ZNF570: variants seen among roughly 807,000 people sequenced by gnomAD.
ZNF570 encodes the protein zinc finger protein 570.
A neutral mutation model predicts 14.2 loss-of-function variants in ZNF570; 8 were observed. The ratio of observed to expected loss-of-function variants is 0.56; its 90% confidence interval spans 0.33 to 1.02. The LOEUF (loss-of-function observed/expected upper bound fraction) is 1.02. Among genes scored for constraint, ZNF570 ranks in the 50% least tolerant of loss-of-function variants. The pLI, the probability that ZNF570 is intolerant of heterozygous loss-of-function variation, is 0.03. For missense variants in ZNF570, 559 were observed against 624.9 expected, an observed-to-expected ratio of 0.89 and a Z score of 1.12; for synonymous variants, 202 against 207.6, an observed-to-expected ratio of 0.97 and a Z score of 0.23.
intron 2 of ZNF570, 122 bp downstream of exon 2, chr19:37,470,509 A>G (rs1383547675): frequency 9.8e-6 from 8 of 817,516 alleles, no homozygotes; most frequent in Non-Finnish European, 1.6e-5. Context: ...AACACTCTCC[A>G]TTGGATTCCC....
intron 3 of ZNF570, 146 bp downstream of exon 3, chr19:37,476,153 G>A (rs2042020760): frequency 7.4e-7 from 1 of 1,357,388 alleles, no homozygotes; most frequent in Non-Finnish European, 9.8e-7. Flanking sequence ...TGTGGATTTG[G>A]CAGTGAACAT....
chr19:37,488,372 A>G lies in ZNF570; in HGVS notation c.*3139A>G, dbSNP rs1394205708. 1 of 152,222 alleles carries G rather than the reference A, an allele frequency of 6.6e-6. No homozygotes were observed. The highest frequency in any genetic ancestry group is 1.5e-5 in the Non-Finnish European group (1 of 68,038). 9.4% of individuals were successfully genotyped at this position (152,222 alleles called of 1,614,324 possible). ...CAAATTAGTGTTATGTATTTTTGTCATGGCTAAATACTATATAAAAAGGAT... is the reference window on the plus strand; with the variant it reads ...CAAATTAGTGTTATGTATTTTTGTCGTGGCTAAATACTATATAAAAAGGAT... On this transcript the variant is annotated 3_prime_UTR_variant, in exon 5 of 5. Coordinates refer to ENST00000330173, the MANE Select transcript of ZNF570 (RefSeq NM_144694.5).
Position 37,483,915 on chromosome 19 carries a change from C to T in ZNF570, c.293C>T (p.Pro98Leu). 1 of 1,612,750 alleles carries T rather than the reference C, an allele frequency of 6.2e-7. No individual in the cohort carries two copies. Among genetic ancestry groups the T allele is most frequent in the Non-Finnish European group, 8.5e-7 (1 of 1,179,666 alleles). Reference protein sequence around the residue: ...EPICETEELTPKQDFYEEHQS... With the variant: ...EPICETEELTLKQDFYEEHQS... Reference sequence around the variant, plus strand: ...ATATGTGAGACTGAAGAATTAACCCCAAAGCAGGATTTTTATGAAGAACAT... The same window carrying T: ...ATATGTGAGACTGAAGAATTAACCCTAAAGCAGGATTTTTATGAAGAACAT... Residue 98 changes from proline to leucine, a missense_variant, in exon 5 of 5, where the codon CCA becomes CTA. Coordinates refer to ENST00000330173, the MANE Select transcript of ZNF570 (RefSeq NM_144694.5).
At chr19:37,477,026 T>C (rs2042033950) in intron 4 of ZNF570, among the ~76,000 whole-genome samples, 1 of 152,004 alleles carries the variant, frequency 6.6e-6, no homozygotes, top group South Asian at 2.1e-4. Context: ...TTTTGAGCTC[T>C]ACAGAGCATC....
chr19:37,468,032 C>A, upstream of ZNF570: 6 of 1,052,566 alleles, frequency 5.7e-6, no homozygotes, highest in Non-Finnish European at 5.7e-6. Context: ...CTAGCTGTGT[C>A]ATCTCAGACT....
intron 2 of ZNF570, among the ~76,000 whole-genome samples, chr19:37,471,443 C>T (rs1209290622): frequency 6.6e-6 from 1 of 152,176 alleles, no homozygotes; most frequent in Non-Finnish European, 1.5e-5. Context: ...TTCATTCATT[C>T]TAATTTTTAG....
chr19:37,469,173 G>A, upstream of ZNF570: 1 of 1,203,266 alleles, frequency 8.3e-7, no homozygotes, highest in Non-Finnish European at 1.0e-6. Context: ...CCGGGGAGAG[G>A]CCAGTGTGGG....
intron 4 of ZNF570, among the ~76,000 whole-genome samples, chr19:37,480,282 G>A (rs1021007925): frequency 2.0e-5 from 3 of 151,532 alleles, no homozygotes; most frequent in Non-Finnish European, 4.4e-5. Context: ...TCAAGAAATC[G>A]AGACCAGCCT....
chr19:37,471,355 T>G (rs1053753724), intron 2 of ZNF570, among the ~76,000 whole-genome samples: 8 of 152,176 alleles, frequency 5.3e-5, no homozygotes, highest in African/African-American at 1.9e-4. Flanking sequence ...GCACTTGCTA[T>G]TCTCTCTGCC....
chr19:37,474,517 T>G (rs2042002056), intron 2 of ZNF570, among the ~76,000 whole-genome samples: 2 of 152,182 alleles, frequency 1.3e-5, no homozygotes, highest in African/African-American at 4.8e-5. Flanking sequence ...TGGAGTGCAG[T>G]GGCCCAATCT....
At position 37,488,305 on chromosome 19, in the gene ZNF570, CTATTT is replaced by C. The variant is rs942048758; in HGVS notation, c.*3076_*3080del. 3.0e-4 allele frequency: 45 copies of C among 152,138 alleles called. No individual in the cohort carries two copies. The highest frequency in any genetic ancestry group is 1.0e-3 in the African/African-American group (43 of 41,426). 9.4% of individuals were successfully genotyped at this position (152,138 alleles called of 1,614,324 possible). A position where few individuals can be genotyped will look rare whatever the true frequency, so the allele number is the denominator to read the frequency against. ...AGTATTAATGAAATTGAACTACAGA[CTATTT>C]TATATAATACAGTATAACGTACAAT... is the stretch of plus-strand genomic sequence containing the variant. On this transcript the variant is annotated 3_prime_UTR_variant, in exon 5 of 5. Coordinates refer to ENST00000330173, the MANE Select transcript of ZNF570 (RefSeq NM_144694.5).
intron 2 of ZNF570, among the ~76,000 whole-genome samples, chr19:37,470,695 CTTT>C (rs760686313): frequency 3.2e-5 from 3 of 93,010 alleles, no homozygotes; most frequent in Admixed American, 1.3e-4. Flanking sequence ...CTTATTTATT[CTTT>C]TTTTTTTTTT....
chr19:37,476,244 T>TA, intron 3 of ZNF570, 95 bp from the exon 4 acceptor site: 1 of 1,453,764 alleles, frequency 6.9e-7, no homozygotes, highest in Non-Finnish European at 9.3e-7. Context: ...TTGCTTACTG[T>TA]AAACTCCCTT....
intron 4 of ZNF570, among the ~76,000 whole-genome samples, chr19:37,482,125 G>A (rs2042094308): frequency 6.6e-6 from 1 of 152,072 alleles, no homozygotes; most frequent in African/African-American, 2.4e-5. Flanking sequence ...CTCGTTTAAG[G>A]CTGAATAATC....
At chr19:37,479,649 G>A (rs2042064350) in intron 4 of ZNF570, among the ~76,000 whole-genome samples, 1 of 151,966 alleles carries the variant, frequency 6.6e-6, no homozygotes, top group Non-Finnish European at 1.5e-5. Flanking sequence ...AATTGTAACA[G>A]CAGTTTTTTT....
At chr19:37,473,239 T>C (rs944547747) in intron 2 of ZNF570, among the ~76,000 whole-genome samples, 2 of 152,296 alleles carry the variant, frequency 1.3e-5, no homozygotes, top group East Asian at 1.9e-4. Flanking sequence ...TAAGTGATCA[T>C]GAATTTAAAG....
chr19:37,479,970 T>A (rs1324821275), intron 4 of ZNF570, among the ~76,000 whole-genome samples: 1 of 152,224 alleles, frequency 6.6e-6, no homozygotes, highest in African/African-American at 2.4e-5. Context: ...TTAAATTTTT[T>A]GGTACTATTA....
At chr19:37,474,266 G>A (rs1416690017) in intron 2 of ZNF570, among the ~76,000 whole-genome samples, 1 of 151,934 alleles carries the variant, frequency 6.6e-6, no homozygotes, top group African/African-American at 2.4e-5. Context: ...AAGAATCAGT[G>A]GAAAATATGT....
At chr19:37,469,690 C>T in intron 1 of ZNF570, 133 bp downstream of exon 1, 1 of 954,244 alleles carries the variant, frequency 1.0e-6, no homozygotes, top group Non-Finnish European at 1.6e-6. Context: ...CTGTTCGCTG[C>T]ACCTTGTTGG....
Sources: allele counts gnomAD v4.1 joint callset (sites outside exome capture counted in the v4.1 genomes callset), GRCh38; gene constraint gnomAD v4.1.1; transcripts MANE v1.5; gene names NCBI Gene and HGNC (gene_info 2026-07-23, HGNC 2026-07-21).